The following ZNF26 variants were observed in gnomAD, a reference collection of about 807,000 sequenced individuals.
The protein encoded by ZNF26 is zinc finger protein 26.
Under a neutral mutation model 54.9 loss-of-function variants are expected in ZNF26, and 32 were observed. That is an observed-to-expected ratio of 0.58 (90% CI 0.44 to 0.78). The LOEUF (loss-of-function observed/expected upper bound fraction) is 0.78. ZNF26 is among the 30% of genes least tolerant of loss of function. The pLI, the probability that ZNF26 is intolerant of heterozygous loss-of-function variation, is 0.00. For missense variants in ZNF26, 524 were observed against 634.0 expected (o/e 0.83, Z 1.86); for synonymous variants, 221 against 209.2 (o/e 1.06, Z -0.49).
chr12:133,021,834 G>A lies in ZNF26; in HGVS notation c.*10353G>A, dbSNP rs2137283852. The A allele has an allele frequency of 6.6e-6, 1 of 151,878 alleles. No homozygotes were observed. Among genetic ancestry groups the A allele is most frequent in the South Asian group, 2.1e-4 (1 of 4,798 alleles). The allele number at this position is 151,878 out of a possible 1,614,324, so 9.4% of individuals were successfully genotyped here. ...ACATGGTAAAAATTTGAGGAATATT[G>A]GTAAAGAATATTTACAAATTCATTA... On this transcript the variant is annotated 3_prime_UTR_variant, in exon 4 of 4. Coordinates refer to ENST00000328654, the MANE Select transcript of ZNF26 (RefSeq NM_019591.4).
At chr12:133,006,874 G>A (rs1167404479) in intron 1 of ZNF26, 168 bp from the exon 2 acceptor site, 11 of 884,714 alleles carry the variant, frequency 1.2e-5, no homozygotes, top group South Asian at 3.3e-5. Flanking sequence ...GTGAGCCACC[G>A]TGCCTGGCAC....
In ZNF26 at chr12:133,010,941, G is replaced by C. The variant is rs1029356687; in HGVS notation, c.1062G>C (p.Lys354Asn). 16 of 1,613,992 alleles carry C rather than the reference G, an allele frequency of 9.9e-6. No homozygotes were observed. Among genetic ancestry groups the C allele is most frequent in the Non-Finnish European group, 1.4e-5 (16 of 1,180,032 alleles). Reference sequence around the variant, plus strand: ...ATTGTGGGAAAGCCTTCAATATGAAGACACAACTCATTGTACATCAGGGAG... The same window carrying C: ...ATTGTGGGAAAGCCTTCAATATGAACACACAACTCATTGTACATCAGGGAG... Reference protein sequence around the residue: ...CSDCGKAFNMKTQLIVHQGVH... With the variant: ...CSDCGKAFNMNTQLIVHQGVH... Residue 354 changes from lysine to asparagine, a missense_variant, in exon 4 of 4, where the codon AAG becomes AAC. Lys to Asn is a moderately conservative substitution (Grantham distance 94). Transcript: ENST00000328654.
At position 133,025,966 on chromosome 12, in the gene ZNF26, G is replaced by C. The variant is rs995692658; in HGVS notation, c.*14485G>C. 3 of 152,638 alleles carry C rather than the reference G, an allele frequency of 2.0e-5. No individual in the cohort carries two copies. The highest frequency in any genetic ancestry group is 6.5e-5 in the Admixed American group (1 of 15,270). 9.5% of individuals were successfully genotyped at this position (152,638 alleles called of 1,614,324 possible). On this transcript the variant is annotated 3_prime_UTR_variant, in exon 4 of 4. Transcript: ENST00000328654. ...GAAAGCCCAAACTAGCTCACACACAGACTACATCAAGAGTGAGAGATGCCT... is the reference window on the plus strand; with the variant it reads ...GAAAGCCCAAACTAGCTCACACACACACTACATCAAGAGTGAGAGATGCCT...
intron 3 of ZNF26, among the ~76,000 whole-genome samples, chr12:133,009,838 G>C (rs1953430597): frequency 6.6e-6 from 1 of 152,068 alleles, no homozygotes. Flanking sequence ...CTAGTAGCTG[G>C]GATTACAGGT....
At chr12:133,008,654 T>C (rs1329608655) in intron 3 of ZNF26, among the ~76,000 whole-genome samples, 4 of 151,434 alleles carry the variant, frequency 2.6e-5, no homozygotes, top group Admixed American at 6.6e-5. Context: ...CGGGCGCCTG[T>C]AGTCCCAGCT....
rs1333175154 is a variant in ZNF26 at position 132,986,848 on chromosome 12, C to A, written c.8C>A (p.Thr3Asn). 2 of 1,607,240 alleles carry A rather than the reference C, an allele frequency of 1.2e-6. No individual in the cohort carries two copies. Among genetic ancestry groups the A allele is most frequent in the African/African-American group, 2.7e-5 (2 of 74,998 alleles). The change falls in exon 1 of 4, where the codon ACC (threonine) becomes AAC (asparagine). Residue 3 changes from threonine to asparagine, a missense_variant. Thr to Asn is a moderately conservative substitution (Grantham distance 65). Transcript: ENST00000328654. MA[T>N]SFRTASCWGL... ...GCGAACGTGGGCGTGGGGATGGCCA[C>A]CAGTTTCCGGACAGCTTCGTGCTGG... is the stretch of plus-strand genomic sequence containing the variant.
At position 133,015,013 on chromosome 12, in the gene ZNF26, C is replaced by T. The variant is rs1189159622; in HGVS notation, c.*3532C>T. On this transcript the variant is annotated 3_prime_UTR_variant, in exon 4 of 4. Transcript: ENST00000328654. ...TGTATCCATTATGTGTTCCTAAGAC[C>T]CTCAGCCCTCTCCCTCCACCAAGAC... is the stretch of plus-strand genomic sequence containing the variant. 6.6e-6 allele frequency: 1 copy of T among 152,034 alleles called. No homozygotes were observed. Among genetic ancestry groups the T allele is most frequent in the Non-Finnish European group, 1.5e-5 (1 of 68,050 alleles). 9.4% of individuals were successfully genotyped at this position (152,034 alleles called of 1,614,324 possible). A position where few individuals can be genotyped will look rare whatever the true frequency, so the allele number is the denominator to read the frequency against.
chr12:133,026,568 C>G lies in ZNF26; in HGVS notation c.*15087C>G, dbSNP rs1471897972. 1 of 143,234 alleles carries G rather than the reference C, an allele frequency of 7.0e-6. No homozygotes were observed. The highest frequency in any genetic ancestry group is 1.5e-5 in the Non-Finnish European group (1 of 67,202). 8.9% of individuals were successfully genotyped at this position (143,234 alleles called of 1,614,324 possible). A position where few individuals can be genotyped will look rare whatever the true frequency, so the allele number is the denominator to read the frequency against. On this transcript the variant is annotated 3_prime_UTR_variant, in exon 4 of 4. Coordinates refer to ENST00000328654, the MANE Select transcript of ZNF26 (RefSeq NM_019591.4). ...TTGATACAGAGTCTCGTTCTGTCAC[C>G]CAGGCTGGAGTGCAGTGGCATAATT...
At chr12:132,998,243 T>A (rs1348973552) in intron 1 of ZNF26, among the ~76,000 whole-genome samples, 1 of 151,692 alleles carries the variant, frequency 6.6e-6, no homozygotes, top group Non-Finnish European at 1.5e-5. Flanking sequence ...CTTGGCTCAC[T>A]GCAACCTTCG....
At chr12:133,007,193 T>C in intron 2 of ZNF26, 25 bp downstream of exon 2, 1 of 1,607,458 alleles carries the variant, frequency 6.2e-7, no homozygotes, top group South Asian at 1.1e-5. Context: ...TCAATGTTAC[T>C]CAGATAGTGA....
At chr12:132,993,495 G>A (rs1953009124) in intron 1 of ZNF26, among the ~76,000 whole-genome samples, 1 of 151,022 alleles carries the variant, frequency 6.6e-6, no homozygotes, top group African/African-American at 2.4e-5. Context: ...TTGAGATGGA[G>A]TCCAGGCTGG....
chr12:132,987,097 C>T (rs1161203568), intron 1 of ZNF26, among the ~76,000 whole-genome samples: 10 of 152,180 alleles, frequency 6.6e-5, no homozygotes, highest in African/African-American at 2.4e-4. Flanking sequence ...TTATACTGCA[C>T]TTCATGGCCA....
intron 1 of ZNF26, among the ~76,000 whole-genome samples, chr12:132,994,734 C>T (rs942223685): frequency 6.6e-6 from 1 of 152,110 alleles, no homozygotes; most frequent in East Asian, 1.9e-4. Context: ...TTAGATAACA[C>T]GACTTTGAAC....
rs998860247 is a variant in ZNF26, at chr12:133,004,869, T to G, written c.34-2173T>G. 8.5e-5 allele frequency: 13 copies of G among 152,352 alleles called. No individual in the cohort carries two copies. The East Asian group carries it at 2.5e-3, about 29-fold the overall frequency. 9.4% of individuals were successfully genotyped at this position (152,352 alleles called of 1,614,324 possible). On this transcript the variant is annotated intron_variant, in intron 1 of 3. Transcript: ENST00000328654. ...CTTTTTAGTTTGGCTGGTATAAGATTTCAGAATCAGCATTATTTTTTCTCA... is the reference window on the plus strand; with the variant it reads ...CTTTTTAGTTTGGCTGGTATAAGATGTCAGAATCAGCATTATTTTTTCTCA...
chr12:133,009,567 G>A (rs977962215), intron 3 of ZNF26, among the ~76,000 whole-genome samples: 1 of 151,554 alleles, frequency 6.6e-6, no homozygotes, highest in African/African-American at 2.4e-5. Flanking sequence ...ACTCCAGCCT[G>A]AGTGAAAGAG....
chr12:133,010,872 T>C lies in ZNF26; in HGVS notation c.993T>C (p.Val331=). Residue 331 remains valine, a synonymous_variant, in exon 4 of 4, where the codon GTT becomes GTC. Transcript: ENST00000328654. The stretch of plus-strand genomic sequence containing the variant: ...TTAGGAGTAAGTCCTATCTCCTTGT[T>C]CACATCCGAATGCATACAGGAGAAA... ...KAFRSKSYLL[V]HIRMHTGEKP... 6.2e-7 allele frequency: 1 copy of C among 1,613,504 alleles called. No homozygotes were observed. Among genetic ancestry groups the C allele is most frequent in the Non-Finnish European group, 8.5e-7 (1 of 1,179,886 alleles).
intron 1 of ZNF26, among the ~76,000 whole-genome samples, chr12:132,990,499 T>C (rs1952925074): frequency 6.6e-6 from 1 of 152,176 alleles, no homozygotes; most frequent in Non-Finnish European, 1.5e-5. Flanking sequence ...AGATAATTTT[T>C]CTGTAGTTTT....
rs1426027894 is a variant in ZNF26, at chr12:133,026,129, A to G, written c.*14648A>G. 2 of 148,920 alleles carry G rather than the reference A, an allele frequency of 1.3e-5. No homozygotes were observed. Among genetic ancestry groups the G allele is most frequent in the African/African-American group, 5.0e-5 (2 of 40,240 alleles). The allele number at this position is 148,920 out of a possible 1,614,324, so 9.2% of individuals were successfully genotyped here. A position where few individuals can be genotyped will look rare whatever the true frequency, so the allele number is the denominator to read the frequency against. ...TCACTTTTTTTTTTTTTTGAGATGC[A>G]CTCTCACTCTTTCCCAGGCTGGAGT... is the stretch of plus-strand genomic sequence containing the variant. On this transcript the variant is annotated 3_prime_UTR_variant, in exon 4 of 4. Transcript: ENST00000328654.
Position 133,017,183 on chromosome 12 carries a change from T to G in ZNF26, c.*5702T>G, listed in dbSNP as rs1953577279. ...GGAAATAAGCCCCAGAAAATAACAG[T>G]ATGTAACATTGGAAGAAGTCTAATA... On this transcript the variant is annotated 3_prime_UTR_variant, in exon 4 of 4. Transcript: ENST00000328654. The G allele has an allele frequency of 6.6e-6, 1 of 152,204 alleles. No individual in the cohort carries two copies. Among genetic ancestry groups the G allele is most frequent in the Non-Finnish European group, 1.5e-5 (1 of 68,032 alleles). The allele number at this position is 152,204 out of a possible 1,614,324, so 9.4% of individuals were successfully genotyped here.
Sources: gnomAD v4.1 joint callset for allele counts (sites outside exome capture counted in the v4.1 genomes callset) on GRCh38, gnomAD v4.1.1 for gene constraint, MANE v1.5 for transcripts, NCBI Gene and HGNC (gene_info 2026-07-23, HGNC 2026-07-21) for gene names.